The following MAGEE2 variants were observed in gnomAD, a reference collection of about 807,000 sequenced individuals.
MAGEE2 encodes the protein MAGE family member E2, also known as melanoma-associated antigen E2.
For missense variants in MAGEE2, 508 were observed against 391.1 expected, an observed-to-expected ratio of 1.30 and a Z score of -2.52; for synonymous variants, 189 against 155.4, an observed-to-expected ratio of 1.22 and a Z score of -1.61.
rs779360277 is a variant in MAGEE2 at position 75,784,917 on chromosome X, C to T, written c.135G>A (p.Gln45=). 1 of 1,172,678 alleles carries T rather than the reference C, an allele frequency of 8.5e-7. No individual in the cohort carries two copies. Among genetic ancestry groups the T allele is most frequent in the Non-Finnish European group, 1.1e-6 (1 of 876,064 alleles). ...GAGAGTTGATTGGCGCCTGAGGGCA[C>T]TGGGGGGCATCAACGACTAGCATGG... ...PTSMLVVDAP[Q]CPQAPINSQC... is the part of the protein sequence containing the mutation. Residue 45 remains glutamine, a synonymous_variant, in exon 1 of 1, where the codon CAG becomes CAA. Coordinates refer to ENST00000373359, the MANE Select transcript of MAGEE2 (RefSeq NM_138703.5).
Position 75,785,159 on chromosome X carries a change from T to G in MAGEE2, c.-108A>C. 1 of 886,024 alleles carries G rather than the reference T, an allele frequency of 1.1e-6. No homozygotes were observed. Among genetic ancestry groups the G allele is most frequent in the Non-Finnish European group, 1.5e-6 (1 of 669,759 alleles). The allele number at this position is 886,024 out of a possible 1,213,427, so 73.0% of individuals were successfully genotyped here. A position where few individuals can be genotyped will look rare whatever the true frequency, so the allele number is the denominator to read the frequency against. On this transcript the variant is annotated 5_prime_UTR_variant, in exon 1 of 1. Transcript: ENST00000373359. ...AAGCTGAAGCCCGAGACCCTGGAGCTGGAAGGATCAAAAGTGAAATCTGGT... is the reference window on the plus strand; with the variant it reads ...AAGCTGAAGCCCGAGACCCTGGAGCGGGAAGGATCAAAAGTGAAATCTGGT...
Position 75,784,171 on chromosome X carries a change from G to A in MAGEE2, c.881C>T (p.Thr294Ile), listed in dbSNP as rs1038886352. 1 of 1,209,774 alleles carries A rather than the reference G, an allele frequency of 8.3e-7. No homozygotes were observed. The highest frequency in any genetic ancestry group is 1.8e-5 in the African/African-American group (1 of 57,076). Reference sequence around the variant, plus strand: ...GCCAGCAGTCAGGCTTCTTTCTTTGGTTTTGTCACCTTCCAGGGCCTTATT... The same window carrying A: ...GCCAGCAGTCAGGCTTCTTTCTTTGATTTTGTCACCTTCCAGGGCCTTATT... Reference protein sequence around the residue: ...EYNKALEGDKTKERSLTAGLE... With the variant: ...EYNKALEGDKIKERSLTAGLE... Residue 294 changes from threonine (T) to isoleucine (I), a missense_variant, in exon 1 of 1, where the codon ACC (threonine) becomes ATC (isoleucine). Physicochemically the swap from Thr to Ile is moderately conservative, Grantham distance 89. Coordinates refer to ENST00000373359, the MANE Select transcript of MAGEE2 (RefSeq NM_138703.5).
At position 75,783,681 on chromosome X, in the gene MAGEE2, G is replaced by T; in HGVS notation, c.1371C>A (p.Tyr457Ter). Residue 457 changes from tyrosine to a stop codon, truncating the protein, a stop_gained, in exon 1 of 1, where the codon TAC (tyrosine) becomes TAA (stop). Coordinates refer to ENST00000373359, the MANE Select transcript of MAGEE2 (RefSeq NM_138703.5). LOFTEE classifies it low-confidence loss of function (END_TRUNC). ...QRYLECRPLS[Y>*]SNPVEYELLW... is the part of the protein sequence containing the mutation. ...GAAGCTCATATTCAACTGGATTAGA[G>T]TAGGACAGTGGCCTGCATTCCAGAT... 1 of 1,211,791 alleles carries T rather than the reference G, an allele frequency of 8.3e-7. No homozygotes were observed. Among genetic ancestry groups the T allele is most frequent in the Non-Finnish European group, 1.1e-6 (1 of 895,497 alleles).
Position 75,785,246 on chromosome X carries a change from T to G in MAGEE2, c.-195A>C, listed in dbSNP as rs774167769. 3.0e-5 allele frequency: 12 copies of G among 401,552 alleles called. No individual in the cohort carries two copies. The highest frequency in any genetic ancestry group is 4.4e-5 in the Non-Finnish European group (11 of 249,918). 33.1% of individuals were successfully genotyped at this position (401,552 alleles called of 1,213,427 possible). ...AACGACTGCAAGCCTCAGAGCGTTA[T>G]TTTGCCGCAGCCTACGCAGGCGCAG... On this transcript the variant is annotated 5_prime_UTR_variant, in exon 1 of 1. Coordinates refer to ENST00000373359, the MANE Select transcript of MAGEE2 (RefSeq NM_138703.5).
At position 75,783,254 on chromosome X, in the gene MAGEE2, G is replaced by A. The variant is rs971454422; in HGVS notation, c.*226C>T. 7 of 360,854 alleles carry A rather than the reference G, an allele frequency of 1.9e-5. No individual in the cohort carries two copies. Among genetic ancestry groups the A allele is most frequent in the Non-Finnish European group, 2.8e-5 (6 of 212,747 alleles). 29.7% of individuals were successfully genotyped at this position (360,854 alleles called of 1,213,427 possible). ...TGAACTTTTATGCTGAAACAAGACC[G>A]GGATGGCAAATGAAAAATTCCATTT... is the stretch of plus-strand genomic sequence containing the variant. On this transcript the variant is annotated 3_prime_UTR_variant, in exon 1 of 1. Coordinates refer to ENST00000373359, the MANE Select transcript of MAGEE2 (RefSeq NM_138703.5).
Position 75,784,221 on chromosome X carries a change from T to C in MAGEE2, c.831A>G (p.Glu277=). The change falls in exon 1 of 1, where the codon GAA becomes GAG. Residue 277 remains glutamate, a synonymous_variant. Transcript: ENST00000373359. ...LKFVSDAHDE[E]PWSWPEEYNK... The stretch of plus-strand genomic sequence containing the variant: ...TATATTCTTCTGGCCAGCTCCAGGG[T>C]TCTTCATCATGGGCATCTGACACAA... The C allele has an allele frequency of 8.3e-7, 1 of 1,211,522 alleles. No individual in the cohort carries two copies. Among genetic ancestry groups the C allele is most frequent in the South Asian group, 1.8e-5 (1 of 56,924 alleles).
At position 75,783,646 on chromosome X, in the gene MAGEE2, G is replaced by A. The variant is rs909704089; in HGVS notation, c.1406C>T (p.Pro469Leu). 2.5e-6 allele frequency: 3 copies of A among 1,211,545 alleles called. No individual in the cohort carries two copies. The highest frequency in any genetic ancestry group is 3.4e-6 in the Non-Finnish European group (3 of 895,482). Residue 469 changes from proline to leucine, a missense_variant, in exon 1 of 1, where the codon CCT (proline) becomes CTT (leucine). Physicochemically the swap from Pro to Leu is moderately conservative, Grantham distance 98 (BLOSUM62 -3). Coordinates refer to ENST00000373359, the MANE Select transcript of MAGEE2 (RefSeq NM_138703.5). ...TTTGATGGTTTCATGGTGAGCTCGA[G>A]GACCCCATAGAAGCTCATATTCAAC... The part of the protein sequence containing the change: ...NPVEYELLWG[P>L]RAHHETIKMK...
In MAGEE2 at chrX:75,784,630, C is replaced by G; in HGVS notation, c.422G>C (p.Gly141Ala). ...RASAHLDQVFGLNLRVIDPQA... is the reference protein window; with the variant it reads ...RASAHLDQVFALNLRVIDPQA... ...AGGATCAATAACTCTCAGGTTCAACCCAAAGACCTGGTCCAGGTGAGCTGA... is the reference window on the plus strand; with the variant it reads ...AGGATCAATAACTCTCAGGTTCAACGCAAAGACCTGGTCCAGGTGAGCTGA... The change falls in exon 1 of 1, where the codon GGG (glycine) becomes GCG (alanine). Residue 141 changes from glycine (G) to alanine (A), a missense_variant. Transcript: ENST00000373359. 8.3e-7 allele frequency: 1 copy of G among 1,210,756 alleles called. No homozygotes were observed. Among genetic ancestry groups the G allele is most frequent in the Non-Finnish European group, 1.1e-6 (1 of 895,038 alleles).
Position 75,785,185 on chromosome X carries a change from G to T in MAGEE2, c.-134C>A. ...GGAAGGATCAAAAGTGAAATCTGGTGTGAAGAGCGATCTTTCTACACAAGT... is the reference window on the plus strand; with the variant it reads ...GGAAGGATCAAAAGTGAAATCTGGTTTGAAGAGCGATCTTTCTACACAAGT... On this transcript the variant is annotated 5_prime_UTR_variant, in exon 1 of 1. Coordinates refer to ENST00000373359, the MANE Select transcript of MAGEE2 (RefSeq NM_138703.5). 1.4e-6 allele frequency: 1 copy of T among 700,017 alleles called. No homozygotes were observed. The highest frequency in any genetic ancestry group is 2.0e-6 in the Non-Finnish European group (1 of 511,559). 57.7% of individuals were successfully genotyped at this position (700,017 alleles called of 1,213,427 possible).
rs1346414108 is a variant in MAGEE2 at position 75,783,699 on chromosome X, T to G, written c.1353A>C (p.Glu451Asp). ...TRKLMRQRYL[E>D]CRPLSYSNPV... ...GATTAGAGTAGGACAGTGGCCTGCA[T>G]TCCAGATAGCGCTGTCTCATAAGCT... The change falls in exon 1 of 1, where the codon GAA becomes GAC. Residue 451 changes from glutamate (E) to aspartate (D), a missense_variant. Coordinates refer to ENST00000373359, the MANE Select transcript of MAGEE2 (RefSeq NM_138703.5). 1 of 1,210,076 alleles carries G rather than the reference T, an allele frequency of 8.3e-7. No individual in the cohort carries two copies. Among genetic ancestry groups the G allele is most frequent in the African/African-American group, 1.7e-5 (1 of 57,194 alleles).
At position 75,783,101 on chromosome X, in the gene MAGEE2, AATCACAGATCAGTGGTTTTGT is replaced by A. The variant is rs1397374039; in HGVS notation, c.*358_*378del. The A allele has an allele frequency of 5.8e-6, 1 of 171,060 alleles. No individual in the cohort carries two copies. The highest frequency in any genetic ancestry group is 1.2e-4 in the East Asian group (1 of 8,086). 14.1% of individuals were successfully genotyped at this position (171,060 alleles called of 1,213,427 possible). ...ACGGCAGTAGACACAAAGGGAGAGC[AATCACAGATCAGTGGTTTTGT>A]GTTTGTTTTGTTGTGTGTGTGTCAT... On this transcript the variant is annotated 3_prime_UTR_variant, in exon 1 of 1. Coordinates refer to ENST00000373359, the MANE Select transcript of MAGEE2 (RefSeq NM_138703.5).
In MAGEE2 at chrX:75,783,417, C is replaced by T; in HGVS notation, c.*63G>A. The stretch of plus-strand genomic sequence containing the variant: ...GGATTCTAATTTAGAGCCCCAATGC[C>T]TATTTTACCAAGGCATCTTTAACTT... On this transcript the variant is annotated 3_prime_UTR_variant, in exon 1 of 1. Transcript: ENST00000373359. 2.7e-6 allele frequency: 3 copies of T among 1,127,859 alleles called. No individual in the cohort carries two copies. Among genetic ancestry groups the T allele is most frequent in the East Asian group, 3.0e-5 (1 of 33,181 alleles). 92.9% of individuals were successfully genotyped at this position (1,127,859 alleles called of 1,213,427 possible). A position where few individuals can be genotyped will look rare whatever the true frequency, so the allele number is the denominator to read the frequency against.
In MAGEE2 at chrX:75,784,400, G is replaced by C. The variant is rs1203075112; in HGVS notation, c.652C>G (p.Leu218Val). The part of the protein sequence containing the change: ...MWDKPQRINN[L>V]FGNTRNLLTT... ...AGGAGGTTCCTTGTGTTCCCAAAGA[G>C]GTTGTTGATCCTCTGAGGCTTATCC... Residue 218 changes from leucine to valine, a missense_variant, in exon 1 of 1, where the codon CTC becomes GTC. Coordinates refer to ENST00000373359, the MANE Select transcript of MAGEE2 (RefSeq NM_138703.5). 6.6e-6 allele frequency: 8 copies of C among 1,209,982 alleles called. No homozygotes were observed. In the African/African-American group the frequency reaches 1.2e-4, roughly 19 times the overall value.
At position 75,784,584 on chromosome X, in the gene MAGEE2, T is replaced by A; in HGVS notation, c.468A>T (p.Leu156Phe). Residue 156 changes from leucine to phenylalanine, a missense_variant, in exon 1 of 1, where the codon TTA becomes TTT. Leu to Phe is a conservative substitution (Grantham distance 22). Coordinates refer to ENST00000373359, the MANE Select transcript of MAGEE2 (RefSeq NM_138703.5). ...VIDPQADTYN[L>F]VSKRGFQITD... is the part of the protein sequence containing the mutation. ...TGATCTGGAAACCCCGTTTGCTGAC[T>A]AAATTGTAGGTGTCAGCCTGAGGAT... 8.3e-7 allele frequency: 1 copy of A among 1,210,239 alleles called. No homozygotes were observed. The highest frequency in any genetic ancestry group is 1.1e-6 in the Non-Finnish European group (1 of 894,783).
In MAGEE2 at chrX:75,784,163, T is replaced by C. The variant is rs2087869334; in HGVS notation, c.889A>G (p.Arg297Gly). 8.3e-7 allele frequency: 1 copy of C among 1,210,048 alleles called. No individual in the cohort carries two copies. Among genetic ancestry groups the C allele is most frequent in the African/African-American group, 1.7e-5 (1 of 57,154 alleles). The change falls in exon 1 of 1, where the codon AGA (arginine) becomes GGA (glycine). Residue 297 changes from arginine to glycine, a missense_variant. Transcript: ENST00000373359. ...AACTCTAAGCCAGCAGTCAGGCTTC[T>C]TTCTTTGGTTTTGTCACCTTCCAGG... is the stretch of plus-strand genomic sequence containing the variant. The part of the protein sequence containing the change: ...KALEGDKTKE[R>G]SLTAGLEFWS...
rs939914992 is a variant in MAGEE2, at chrX:75,783,333, T to C, written c.*147A>G. ...GAGTATATTAAAAGGAAGGAAATAC[T>C]ACTAGAATTGGAACACAGACAGCAA... On this transcript the variant is annotated 3_prime_UTR_variant, in exon 1 of 1. Transcript: ENST00000373359. The C allele has an allele frequency of 1.7e-6, 1 of 585,765 alleles. No individual in the cohort carries two copies. Among genetic ancestry groups the C allele is most frequent in the South Asian group, 4.3e-5 (1 of 23,111 alleles). The allele number at this position is 585,765 out of a possible 1,213,427, so 48.3% of individuals were successfully genotyped here. A position where few individuals can be genotyped will look rare whatever the true frequency, so the allele number is the denominator to read the frequency against.
In MAGEE2 at chrX:75,784,994, C is replaced by T. The variant is rs758920405; in HGVS notation, c.58G>A (p.Gly20Ser). 7 of 1,141,814 alleles carry T rather than the reference C, an allele frequency of 6.1e-6. No individual in the cohort carries two copies. In the African/African-American group the frequency reaches 9.2e-5, roughly 15 times the overall value. 94.1% of individuals were successfully genotyped at this position (1,141,814 alleles called of 1,213,427 possible). A position where few individuals can be genotyped will look rare whatever the true frequency, so the allele number is the denominator to read the frequency against. The part of the protein sequence containing the change: ...HCSAEITADY[G>S]DGRGEIQATN... ...GCTTGTATTTCACCTCTGCCGTCGC[C>T]GTAATCTGCAGTGATCTCTGCGCTA... The change falls in exon 1 of 1, where the codon GGC becomes AGC. Residue 20 changes from glycine (G) to serine (S), a missense_variant. By Grantham distance (56) the Gly-to-Ser change is moderately conservative (BLOSUM62 0). Coordinates refer to ENST00000373359, the MANE Select transcript of MAGEE2 (RefSeq NM_138703.5).
At position 75,784,684 on chromosome X, in the gene MAGEE2, T is replaced by C. The variant is rs2087876099; in HGVS notation, c.368A>G (p.Asp123Gly). The change falls in exon 1 of 1, where the codon GAT (aspartate) becomes GGT (glycine). Residue 123 changes from aspartate to glycine, a missense_variant. Transcript: ENST00000373359. ...TCGTCTGAGGATCTCAGGGAACTGATCTGAGTACTCTCTGAGAAACTCCAG... is the reference window on the plus strand; with the variant it reads ...TCGTCTGAGGATCTCAGGGAACTGACCTGAGTACTCTCTGAGAAACTCCAG... ...EMLEFLREYS[D>G]QFPEILRRAS... 1 of 1,209,697 alleles carries C rather than the reference T, an allele frequency of 8.3e-7. No individual in the cohort carries two copies. Among genetic ancestry groups the C allele is most frequent in the African/African-American group, 1.8e-5 (1 of 57,110 alleles).
Position 75,784,357 on chromosome X carries a change from C to T in MAGEE2, c.695G>A (p.Cys232Tyr), listed in dbSNP as rs756942637. 3 of 1,211,682 alleles carry T rather than the reference C, an allele frequency of 2.5e-6. No homozygotes were observed. In the Admixed American group the frequency reaches 6.5e-5, roughly 26 times the overall value. The change falls in exon 1 of 1, where the codon TGC becomes TAC. Residue 232 changes from cysteine to tyrosine, a missense_variant. Coordinates refer to ENST00000373359, the MANE Select transcript of MAGEE2 (RefSeq NM_138703.5). ...TRNLLTTDFV[C>Y]MRFLEYWPVY... ...CGGCCAGTACTCCAAGAATCGCATG[C>T]ACACAAAGTCAGTAGTGAGGAGGTT...
Sources: gnomAD v4.1 joint callset for allele counts on GRCh38, gnomAD v4.1.1 for gene constraint, MANE v1.5 for transcripts, NCBI Gene and HGNC (gene_info 2026-07-23, HGNC 2026-07-21) for gene names.